Variants in NAV2 observed in about 807,000 individuals in gnomAD.
NAV2 encodes the protein neuron navigator 2, also known as helicase, APC down-regulated 1.
Under a neutral mutation model 223.2 loss-of-function variants are expected in NAV2, and 54 were observed. The ratio of observed to expected loss-of-function variants is 0.24; its 90% CI spans 0.19 to 0.30. The LOEUF (loss-of-function observed/expected upper bound fraction) is 0.30. NAV2 is among the 10% of genes least tolerant of loss of function. The pLI is 1.00. For missense variants in NAV2, 2,806 were observed against 3,147.5 expected (o/e 0.89, Z 2.60); for synonymous variants, 1,279 against 1,239.3 (o/e 1.03, Z -0.67).
intron 1 of NAV2, among the ~76,000 whole-genome samples, chr11:19,700,811 C>T (rs1211192364): frequency 6.6e-6 from 1 of 152,196 alleles, no homozygotes; most frequent in Non-Finnish European, 1.5e-5. Flanking sequence ...TATGTAATTA[C>T]AATTTCCCTG....
rs762342128 is a variant in NAV2, at chr11:20,101,085, G to T, written c.6330G>T (p.Arg2110=). The T allele has an allele frequency of 1.1e-5, 18 of 1,614,136 alleles. No individual in the cohort carries two copies. The highest frequency in any genetic ancestry group is 1.5e-5 in the Non-Finnish European group (18 of 1,180,016). Reference sequence around the variant, plus strand: ...CTGGGAAAACCTACCTGGCCAACCGGCTGTCTGAGTATATAGTGCTTCGAG... The same window carrying T: ...CTGGGAAAACCTACCTGGCCAACCGTCTGTCTGAGTATATAGTGCTTCGAG... ...SGTGKTYLAN[R]LSEYIVLREG... The change falls in exon 32 of 38, where the codon CGG becomes CGT. Residue 2110 remains arginine, a synonymous_variant. Coordinates refer to ENST00000349880, the MANE Select transcript of NAV2 (RefSeq NM_145117.5).
At position 20,119,821 on chromosome 11, in the gene NAV2, GAAAA is replaced by G. The variant is rs113739584; in HGVS notation, c.*1571_*1574del. 5 of 142,166 alleles carry G rather than the reference GAAAA, an allele frequency of 3.5e-5. No individual in the cohort carries two copies. Among genetic ancestry groups the G allele is most frequent in the Admixed American group, 7.0e-5 (1 of 14,280 alleles). 8.8% of individuals were successfully genotyped at this position (142,166 alleles called of 1,614,324 possible). A position where few individuals can be genotyped will look rare whatever the true frequency, so the allele number is the denominator to read the frequency against. ...TGTGGATGCGTGACCATGGGAAAAA[GAAAA>G]AAAAAAAGATCCATTTTTTAGGTTC... On this transcript the variant is annotated 3_prime_UTR_variant, in exon 38 of 38. Coordinates refer to ENST00000349880, the MANE Select transcript of NAV2 (RefSeq NM_145117.5).
intron 12 of NAV2, among the ~76,000 whole-genome samples, chr11:20,037,370 TAA>T (rs34272740): frequency 9.7e-4 from 136 of 140,216 alleles, no homozygotes; most frequent in Admixed American, 1.9e-3. Flanking sequence ...ACAATAGGGC[TAA>T]AAAAAAAAAA....
chr11:20,045,719 G>T, intron 14 of NAV2, 49 bp downstream of exon 14: 1 of 1,435,508 alleles, frequency 7.0e-7, no homozygotes, highest in Non-Finnish European at 9.6e-7. Flanking sequence ...TACAGGGAAT[G>T]GATTTAGTAA....
At chr11:19,707,528 G>A (rs1328443752) in intron 1 of NAV2, among the ~76,000 whole-genome samples, 1 of 152,078 alleles carries the variant, frequency 6.6e-6, no homozygotes, top group Non-Finnish European at 1.5e-5. Flanking sequence ...GTCTTCAGGG[G>A]CAAAAACACA....
chr11:20,062,317 C>G lies in NAV2; in HGVS notation c.4842C>G (p.Ser1614=). Residue 1614 remains serine, a synonymous_variant, in exon 20 of 38, where the codon TCC becomes TCG. Transcript: ENST00000349880. ...FRDGFEEVHG[S]SLSLVSSTSS... ...TTTTTCTTTTAATAGTTCATGGATC[C>G]TCACTCTCCTTGGTTTCCAGCACAT... 1.2e-6 allele frequency: 2 copies of G among 1,610,530 alleles called. No individual in the cohort carries two copies. Among genetic ancestry groups the G allele is most frequent in the Non-Finnish European group, 1.7e-6 (2 of 1,179,102 alleles).
At chr11:19,510,536 A>G (rs2043246350) in intron 1 of NAV2, among the ~76,000 whole-genome samples, 1 of 152,200 alleles carries the variant, frequency 6.6e-6, no homozygotes, top group African/African-American at 2.4e-5. Context: ...AAGGGTGTAA[A>G]TATTTTTATT....
At chr11:19,526,543 C>T (rs2043848281) in intron 1 of NAV2, among the ~76,000 whole-genome samples, 1 of 152,114 alleles carries the variant, frequency 6.6e-6, no homozygotes, top group Non-Finnish European at 1.5e-5. Context: ...ACTCACTGCA[C>T]ACTCCAGGAT....
intron 36 of NAV2, among the ~76,000 whole-genome samples, chr11:20,108,380 TAGGA>T (rs1481119282): frequency 6.6e-6 from 1 of 152,164 alleles, no homozygotes; most frequent in Non-Finnish European, 1.5e-5. Context: ...CCTACCCTCT[TAGGA>T]ACTTCGGGGC....
intron 1 of NAV2, among the ~76,000 whole-genome samples, chr11:19,563,462 T>C (rs1287310934): frequency 6.6e-6 from 1 of 152,194 alleles, no homozygotes; most frequent in Non-Finnish European, 1.5e-5. Context: ...GATTTTTGTC[T>C]GTAACAACTG....
Position 20,107,654 on chromosome 11 carries a change from TG to T in NAV2, c.6842-8del. ...TTTGAGTGCTAATGTATTTTCACTG[TG>T]GTCTCCAGGCCCCCGGCTCTTCCTG... On this transcript the variant is annotated splice_polypyrimidine_tract_variant and intron_variant, in intron 35 of 37. Transcript: ENST00000349880. 7 of 1,607,802 alleles carry T rather than the reference TG, an allele frequency of 4.4e-6. No individual in the cohort carries two copies. The highest frequency in any genetic ancestry group is 6.0e-6 in the Non-Finnish European group (7 of 1,174,244).
intron 1 of NAV2, among the ~76,000 whole-genome samples, chr11:19,616,354 G>T (rs1168584287): frequency 2.1e-5 from 3 of 141,022 alleles, no homozygotes; most frequent in African/African-American, 5.3e-5. Flanking sequence ...ATGATCTGTG[G>T]CTCTCTGGGC....
intron 1 of NAV2, among the ~76,000 whole-genome samples, chr11:19,564,055 C>A (rs1229139341): frequency 6.6e-6 from 1 of 152,212 alleles, no homozygotes; most frequent in Non-Finnish European, 1.5e-5. Context: ...TGGAGGCCAG[C>A]TGCAGCCTCT....
At chr11:19,897,443 A>G (rs1050157746) in intron 6 of NAV2, among the ~76,000 whole-genome samples, 5 of 152,232 alleles carry the variant, frequency 3.3e-5, no homozygotes, top group African/African-American at 9.6e-5. Flanking sequence ...AGAGCACTTT[A>G]TGCTTTGTAG....
At chr11:19,890,452 T>C (rs373219009) in intron 5 of NAV2, among the ~76,000 whole-genome samples, 9 of 152,328 alleles carry the variant, frequency 5.9e-5, no homozygotes, top group African/African-American at 2.2e-4. Flanking sequence ...TTTTCCCTCT[T>C]CATTGCTTTT....
chr11:19,931,997 G>A (rs2045397429), intron 6 of NAV2, among the ~76,000 whole-genome samples: 1 of 152,138 alleles, frequency 6.6e-6, no homozygotes, highest in Admixed American at 6.5e-5. Context: ...ACTGACTGAA[G>A]CAGGGTGCTG....
At chr11:19,582,716 T>C (rs1482755991) in intron 1 of NAV2, among the ~76,000 whole-genome samples, 1 of 152,224 alleles carries the variant, frequency 6.6e-6, no homozygotes, top group Non-Finnish European at 1.5e-5. Context: ...TTCTGTTCCA[T>C]TGGTCTATAT....
intron 1 of NAV2, among the ~76,000 whole-genome samples, chr11:19,634,652 G>C (rs2047440038): frequency 6.6e-6 from 1 of 152,328 alleles, no homozygotes; most frequent in East Asian, 1.9e-4. Flanking sequence ...GGGATATAGA[G>C]GTGAGCAAAT....
intron 1 of NAV2, among the ~76,000 whole-genome samples, chr11:19,539,590 G>A (rs2044284622): frequency 6.6e-6 from 1 of 152,088 alleles, no homozygotes; most frequent in Non-Finnish European, 1.5e-5. Flanking sequence ...TTAACAATGT[G>A]CAAAAGAGTC....
Sources: gnomAD v4.1 joint callset for allele counts (sites outside exome capture counted in the v4.1 genomes callset) on GRCh38, gnomAD v4.1.1 for gene constraint, MANE v1.5 for transcripts, NCBI Gene and HGNC (gene_info 2026-07-23, HGNC 2026-07-21) for gene names.